TNNI3K: variants seen among roughly 807,000 people sequenced by gnomAD.
TNNI3K encodes the protein serine/threonine-protein kinase TNNI3K.
A neutral mutation model predicts 114.5 loss-of-function variants in TNNI3K; 140 were observed. The ratio of observed to expected loss-of-function variants is 1.22; its 90% CI spans 1.07 to 1.41. TNNI3K has a LOEUF of 1.41. Among genes scored for constraint, TNNI3K ranks in the 40% most tolerant of loss-of-function variants. The probability of loss-of-function intolerance (pLI) is 0.00; values close to 1 mark genes in which losing one functional copy is unlikely to be tolerated. For synonymous variants in TNNI3K, 347 were observed against 347.5 expected, an observed-to-expected ratio of 1.00 and a Z score of 0.02; for missense variants, 1,125 against 1,007.6, an observed-to-expected ratio of 1.12 and a Z score of -1.58.
rs368633333 is a variant in TNNI3K at position 74,271,179 on chromosome 1, T to C, written c.334-419T>C. ...ACTTGGTTCATACTCTCTTCTTAAA[T>C]GGCATATTTCATCCTCATCTCTAAA... On this transcript the variant is annotated intron_variant, in intron 4 of 24. Transcript: ENST00000326637. 1.6e-3 allele frequency among the ~76,000 whole-genome samples: 242 copies of C among 152,026 alleles called. 1 individual carries two copies. The South Asian group carries it at 0.022, about 14-fold the overall frequency.
chr1:74,486,683 A>G (rs994153895), intron 21 of TNNI3K, among the ~76,000 whole-genome samples: 18 of 152,066 alleles, frequency 1.2e-4, no homozygotes, highest in African/African-American at 4.1e-4. Flanking sequence ...TAACTCCTCA[A>G]CAAATTAATT....
At chr1:74,306,579 T>C (rs993700891) in intron 5 of TNNI3K, among the ~76,000 whole-genome samples, 6 of 152,328 alleles carry the variant, frequency 3.9e-5, no homozygotes, top group African/African-American at 1.4e-4. Context: ...TTCTGACTGG[T>C]GTCAGATGGC....
intron 23 of TNNI3K, among the ~76,000 whole-genome samples, chr1:74,493,140 C>A (rs1441867283): frequency 1.3e-5 from 2 of 152,168 alleles, no homozygotes; most frequent in African/African-American, 4.8e-5. Context: ...GAGGGTCACA[C>A]TCCAGTCCAT....
chr1:74,504,694 G>C (rs1362163148), intron 23 of TNNI3K, among the ~76,000 whole-genome samples: 3 of 152,048 alleles, frequency 2.0e-5, no homozygotes, highest in Non-Finnish European at 4.4e-5. Flanking sequence ...TGCATGAAAA[G>C]AGTGAGCGAG....
chr1:74,402,925 C>T (rs1664443584), intron 17 of TNNI3K, among the ~76,000 whole-genome samples: 1 of 151,962 alleles, frequency 6.6e-6, no homozygotes, highest in South Asian at 2.1e-4. Flanking sequence ...TTATGTGTGG[C>T]CCAAGACAAT....
intron 22 of TNNI3K, among the ~76,000 whole-genome samples, chr1:74,489,735 T>C (rs181384827): frequency 3.2e-4 from 48 of 152,324 alleles, no homozygotes; most frequent in African/African-American, 8.2e-4. Flanking sequence ...ATCAGGCTAA[T>C]GGAATTTTCT....
chr1:74,486,233 G>GAGAGAGAGAGAGAGAGAGAGAGAGAGA (rs200856016), intron 21 of TNNI3K, among the ~76,000 whole-genome samples: 4 of 150,206 alleles, frequency 2.7e-5, no homozygotes, highest in African/African-American at 9.9e-5. Context: ...GAGAGAGAGA[G>GAGAGAGAGAGAGAGAGAGAGAGAGAGA]GTGGGAAATA....
chr1:74,448,156 T>C (rs1399451656), intron 20 of TNNI3K, among the ~76,000 whole-genome samples: 2 of 106,764 alleles, frequency 1.9e-5, no homozygotes, highest in African/African-American at 8.2e-5. Flanking sequence ...ATATACCTAA[T>C]GCTAGATGAC....
At chr1:74,450,233 A>T (rs924589011) in intron 20 of TNNI3K, among the ~76,000 whole-genome samples, 28 of 151,672 alleles carry the variant, frequency 1.8e-4, no homozygotes, top group Non-Finnish European at 3.4e-4. Flanking sequence ...ACATACCAGA[A>T]TCTCTGGGAC....
chr1:74,413,580 GC>G (rs1410337127), intron 17 of TNNI3K, among the ~76,000 whole-genome samples: 2 of 152,076 alleles, frequency 1.3e-5, no homozygotes, highest in African/African-American at 4.8e-5. Context: ...CAGTATCTGT[GC>G]CATTACCTTT....
chr1:74,346,857 G>C (rs1661024940), intron 9 of TNNI3K, among the ~76,000 whole-genome samples: 2 of 151,628 alleles, frequency 1.3e-5, no homozygotes, highest in Admixed American at 6.6e-5. Context: ...CCTTCTTGCT[G>C]TGTCTTCACA....
chr1:74,538,985 G>A (rs1468634671), intron 23 of TNNI3K, among the ~76,000 whole-genome samples: 1 of 152,138 alleles, frequency 6.6e-6, no homozygotes, highest in African/African-American at 2.4e-5. Flanking sequence ...AAAGTTTTAA[G>A]TAGGTGAATG....
chr1:74,527,499 C>G (rs1418699366), intron 23 of TNNI3K, among the ~76,000 whole-genome samples: 1 of 152,128 alleles, frequency 6.6e-6, no homozygotes, highest in East Asian at 1.9e-4. Context: ...AGCTAAAAAG[C>G]AGATGTGGGA....
intron 21 of TNNI3K, chr1:74,475,712 T>C (rs1458451488): frequency 4.3e-6 from 3 of 699,408 alleles, no homozygotes; most frequent in Non-Finnish European, 5.3e-6. Context: ...TCATCGAAGG[T>C]TCTGCAACAA....
chr1:74,322,028 A>G (rs982194404), intron 5 of TNNI3K, among the ~76,000 whole-genome samples: 3 of 152,192 alleles, frequency 2.0e-5, no homozygotes, highest in Non-Finnish European at 2.9e-5. Flanking sequence ...CATAGAGTCA[A>G]AAAAGGGCGT....
rs574056967 is a variant in TNNI3K at position 74,494,576 on chromosome 1, G to T, written c.2351+2310G>T. 5.9e-5 allele frequency among the ~76,000 whole-genome samples: 9 copies of T among 152,120 alleles called. No individual in the cohort carries two copies. The East Asian group carries it at 9.7e-4, about 16-fold the overall frequency. ...TATCTTCTGTTCTTATTCTCTACTTGTGTCTTTTAAAGCTATTTCTCTGAA... is the reference window on the plus strand; with the variant it reads ...TATCTTCTGTTCTTATTCTCTACTTTTGTCTTTTAAAGCTATTTCTCTGAA... On this transcript the variant is annotated intron_variant, in intron 23 of 24. Transcript: ENST00000326637.
In TNNI3K at chr1:74,351,871, AT is replaced by A. The variant is rs560021315; in HGVS notation, c.933-1386del. On this transcript the variant is annotated intron_variant, in intron 9 of 24. Transcript: ENST00000326637. ...ATTATTCTAGTTATCCATTTGTCTA[AT>A]TTTTTTTTCAAAGTTTTTAACTTCT... Among the ~76,000 whole-genome samples the A allele has an allele frequency of 2.6e-3, 394 of 150,978 alleles. 2 individuals are homozygous for A. Among genetic ancestry groups the A allele is most frequent in the African/African-American group, 9.2e-3 (379 of 41,152 alleles).
chr1:74,395,580 A>G (rs1210991573), intron 17 of TNNI3K, among the ~76,000 whole-genome samples: 1 of 152,202 alleles, frequency 6.6e-6, no homozygotes, highest in Non-Finnish European at 1.5e-5. Context: ...GTGGTTCAGC[A>G]TTTTCAGAGG....
chr1:74,374,347 A>G (rs992175921), intron 17 of TNNI3K: 2 of 151,920 alleles, frequency 1.3e-5, no homozygotes, highest in Admixed American at 1.3e-4. Context: ...TAAGTTTTTC[A>G]TGCTTTCATT....
Sources: gnomAD v4.1 joint callset for allele counts (sites outside exome capture counted in the v4.1 genomes callset) on GRCh38, gnomAD v4.1.1 for gene constraint, MANE v1.5 for transcripts, NCBI Gene and HGNC (gene_info 2026-07-23, HGNC 2026-07-21) for gene names.